The following GABRB1 variants were observed in gnomAD, a reference collection of about 807,000 sequenced individuals.
GABRB1 encodes gamma-aminobutyric acid type A receptor subunit beta1.
GABRB1 carries 17 observed loss-of-function variants against 51.6 expected under a neutral mutation model. The ratio of observed to expected loss-of-function variants is 0.33; its 90% CI spans 0.23 to 0.49. GABRB1 has a LOEUF of 0.49. GABRB1 is among the 20% of genes least tolerant of loss of function. GABRB1 has a pLI of 0.99. For synonymous variants in GABRB1, 247 were observed against 218.9 expected, an observed-to-expected ratio of 1.13 and a Z score of -1.14; for missense variants, 410 against 600.6, an observed-to-expected ratio of 0.68 and a Z score of 3.32.
intron 5 of GABRB1, among the ~76,000 whole-genome samples, chr4:47,387,160 A>T (rs532421366): frequency 6.6e-6 from 1 of 152,172 alleles, no homozygotes; most frequent in Non-Finnish European, 1.5e-5. Context: ...GGTTGAGCAA[A>T]TCAGCATCCA....
intron 8 of GABRB1, among the ~76,000 whole-genome samples, chr4:47,422,574 C>G (rs949077467): frequency 6.6e-6 from 1 of 152,162 alleles, no homozygotes; most frequent in Non-Finnish European, 1.5e-5. Context: ...ACACCCTTCT[C>G]CCTCCTTGAG....
intron 4 of GABRB1, among the ~76,000 whole-genome samples, chr4:47,190,005 T>C (rs576757622): frequency 6.6e-6 from 1 of 152,126 alleles, no homozygotes; most frequent in South Asian, 2.1e-4. Flanking sequence ...TCCAGAAAGA[T>C]TTGGAAACTG....
At chr4:47,306,917 G>A (rs1724493179) in intron 4 of GABRB1, among the ~76,000 whole-genome samples, 2 of 152,130 alleles carry the variant, frequency 1.3e-5, no homozygotes, top group Admixed American at 1.3e-4. Context: ...GCTTTTACAA[G>A]GAGTGCTTGA....
intron 5 of GABRB1, among the ~76,000 whole-genome samples, chr4:47,365,824 A>G (rs1217582914): frequency 1.3e-5 from 2 of 152,130 alleles, no homozygotes; most frequent in Non-Finnish European, 2.9e-5. Flanking sequence ...GAGCACAGCT[A>G]ACCTGCTCTC....
intron 3 of GABRB1, among the ~76,000 whole-genome samples, chr4:47,131,402 C>T (rs973932142): frequency 6.6e-6 from 1 of 152,196 alleles, no homozygotes; most frequent in African/African-American, 2.4e-5. Flanking sequence ...AGATGATCTG[C>T]CCGCCTCGGC....
chr4:47,212,424 C>T (rs2109811994), intron 4 of GABRB1, among the ~76,000 whole-genome samples: 1 of 152,132 alleles, frequency 6.6e-6, no homozygotes, highest in East Asian at 1.9e-4. Flanking sequence ...CGCCTGTAAT[C>T]CCAGCACTTT....
intron 1 of GABRB1, among the ~76,000 whole-genome samples, chr4:47,024,803 T>G (rs771306399): frequency 7.3e-5 from 11 of 151,458 alleles, no homozygotes; most frequent in Non-Finnish European, 1.6e-4. Context: ...CTCCCACTTA[T>G]GAGTGAAAAC....
At chr4:47,168,163 A>G (rs909251801) in intron 4 of GABRB1, among the ~76,000 whole-genome samples, 5 of 152,138 alleles carry the variant, frequency 3.3e-5, no homozygotes, top group African/African-American at 1.2e-4. Flanking sequence ...AGTAATTGAA[A>G]ATATATTATA....
chr4:47,160,753 ATTAT>A (rs3050706), intron 3 of GABRB1, among the ~76,000 whole-genome samples: 124,117 of 147,746 alleles, frequency 0.84, 52,193 homozygotes, highest in Middle Eastern at 0.89. Flanking sequence ...TAGTACTTTT[ATTAT>A]TTATTTATTT....
intron 4 of GABRB1, among the ~76,000 whole-genome samples, chr4:47,231,606 CT>C (rs1165880781): frequency 2.0e-5 from 3 of 152,038 alleles, no homozygotes; most frequent in Non-Finnish European, 4.4e-5. Flanking sequence ...AACATTTTTT[CT>C]GGATAATGTA....
At chr4:47,261,476 A>T (rs554019230) in intron 4 of GABRB1, among the ~76,000 whole-genome samples, 21 of 152,212 alleles carry the variant, frequency 1.4e-4, no homozygotes, top group African/African-American at 5.1e-4. Context: ...CTAGGAATCC[A>T]ACTTACAAGG....
intron 8 of GABRB1, among the ~76,000 whole-genome samples, chr4:47,412,612 C>T (rs1340863015): frequency 2.6e-5 from 4 of 152,118 alleles, no homozygotes; most frequent in East Asian, 1.9e-4. Context: ...CTGGGAGTAA[C>T]GCCCAAGGTT....
chr4:47,032,092 G>A lies in GABRB1; in HGVS notation c.172+87G>A, dbSNP rs1388954531. ...AAATGTCAAAAAAAAAAAAAGAAAA[G>A]GCATGTCATTTTCGTAAGCGTGCAC... On this transcript the variant is annotated intron_variant, in intron 2 of 8. Transcript: ENST00000295454. 311 of 746,164 alleles carry A rather than the reference G, an allele frequency of 4.2e-4. 5 individuals carry two copies. The highest frequency in any genetic ancestry group is 3.3e-3 in the African/African-American group (151 of 46,096). The allele number at this position is 746,164 out of a possible 1,614,324, so 46.2% of individuals were successfully genotyped here.
chr4:47,374,542 A>G (rs1727313296), intron 5 of GABRB1, among the ~76,000 whole-genome samples: 1 of 152,210 alleles, frequency 6.6e-6, no homozygotes, highest in Non-Finnish European at 1.5e-5. Flanking sequence ...AGCGAGGGGA[A>G]CTTGCAGTTG....
intron 5 of GABRB1, among the ~76,000 whole-genome samples, chr4:47,371,352 A>G (rs1457418609): frequency 6.6e-6 from 1 of 152,132 alleles, no homozygotes; most frequent in Non-Finnish European, 1.5e-5. Flanking sequence ...GAACATTTGC[A>G]TTGATTCCAT....
chr4:47,023,080 A>C (rs1342433883), intron 1 of GABRB1, among the ~76,000 whole-genome samples: 1 of 152,114 alleles, frequency 6.6e-6, no homozygotes, highest in Non-Finnish European at 1.5e-5. Flanking sequence ...GGACAGAAAG[A>C]CAAACATCAC....
intron 4 of GABRB1, among the ~76,000 whole-genome samples, chr4:47,230,301 C>G (rs1011062172): frequency 3.3e-5 from 5 of 152,214 alleles, no homozygotes; most frequent in South Asian, 2.1e-4. Context: ...CCAAAGGCAT[C>G]TAGGAGGGAT....
At chr4:47,012,900 G>A (rs1032819791) in intron 1 of GABRB1, among the ~76,000 whole-genome samples, 2 of 152,160 alleles carry the variant, frequency 1.3e-5, no homozygotes, top group African/African-American at 4.8e-5. Flanking sequence ...AACCTCAAGG[G>A]AAGTATGTCA....
At chr4:47,009,093 T>C (rs1724507375) in intron 1 of GABRB1, among the ~76,000 whole-genome samples, 1 of 149,560 alleles carries the variant, frequency 6.7e-6, no homozygotes, top group South Asian at 2.1e-4. Flanking sequence ...CTCCATCTCC[T>C]GACCTCATGA....
Sources: allele counts gnomAD v4.1 joint callset (sites outside exome capture counted in the v4.1 genomes callset), GRCh38; gene constraint gnomAD v4.1.1; transcripts MANE v1.5; gene names NCBI Gene and HGNC (gene_info 2026-07-23, HGNC 2026-07-21).